Variants in EXD3 observed in about 807,000 individuals in gnomAD.
The protein encoded by EXD3 is exonuclease 3'-5' domain containing 3.
Under a neutral mutation model 98.0 loss-of-function variants are expected in EXD3, and 92 were observed. The ratio of observed to expected loss-of-function variants is 0.94; its 90% CI spans 0.79 to 1.12. The LOEUF (loss-of-function observed/expected upper bound fraction) is 1.12, where lower values mean the gene tolerates loss of function less well. EXD3 is among the 50% of genes most tolerant of loss of function. The pLI is 0.00. For synonymous variants in EXD3, 569 were observed against 526.0 expected (o/e 1.08, Z -1.12); for missense variants, 1,222 against 1,191.6 (o/e 1.03, Z -0.38).
chr9:137,315,263 C>T (rs1278031634), intron 19 of EXD3, among the ~76,000 whole-genome samples: 5 of 152,262 alleles, frequency 3.3e-5, no homozygotes, highest in South Asian at 4.1e-4. Flanking sequence ...ACCCCCCGAC[C>T]GGGCTTTCGG....
intron 19 of EXD3, among the ~76,000 whole-genome samples, chr9:137,313,371 C>T (rs1831466920): frequency 1.3e-5 from 2 of 152,286 alleles, no homozygotes; most frequent in South Asian, 2.1e-4. Context: ...ACTCCCACAG[C>T]CCCTGCTCTC....
chr9:137,365,731 CACCT>C, intron 7 of EXD3: 1 of 316,070 alleles, frequency 3.2e-6, no homozygotes, highest in East Asian at 8.2e-5. Context: ...TACAAACACA[CACCT>C]ACAGGCACAC....
intron 17 of EXD3, among the ~76,000 whole-genome samples, chr9:137,337,549 G>A (rs1474626152): frequency 6.6e-6 from 1 of 151,946 alleles, no homozygotes; most frequent in East Asian, 2.0e-4. Flanking sequence ...TACTTGGGAG[G>A]CTGAGGCAGG....
At position 137,357,593 on chromosome 9, in the gene EXD3, C is replaced by T. The variant is rs116294713; in HGVS notation, c.657-1225G>A. Among the ~76,000 whole-genome samples, 655 of 152,034 alleles carry T rather than the reference C, an allele frequency of 4.3e-3. 5 individuals carry two copies. Among genetic ancestry groups the T allele is most frequent in the African/African-American group, 0.012 (480 of 41,474 alleles). On this transcript the variant is annotated intron_variant, in intron 7 of 21. Coordinates refer to ENST00000340951, the MANE Select transcript of EXD3 (RefSeq NM_017820.5). ...GGGGCCCCCATCTCCACTTCACAGA[C>T]GCAGTATCTTAGTTACAGCATTTGT...
rs887749400 is a variant in EXD3, at chr9:137,403,868, T to C, written c.-47-8464A>G. ...TGAAGGGGAAGACAGACCTGTGGGATAGGGATGGGTCCCGAGGCGGGGCAG... is the reference window on the plus strand; with the variant it reads ...TGAAGGGGAAGACAGACCTGTGGGACAGGGATGGGTCCCGAGGCGGGGCAG... On this transcript the variant is annotated intron_variant, in intron 1 of 21. Transcript: ENST00000340951. The surrounding 1 kb of genome is among the most constrained non-coding windows in gnomAD (Gnocchi z 6.1). 2.0e-5 allele frequency among the ~76,000 whole-genome samples: 3 copies of C among 152,184 alleles called. No individual in the cohort carries two copies. Among genetic ancestry groups the C allele is most frequent in the Admixed American group, 6.5e-5 (1 of 15,290 alleles).
intron 20 of EXD3, among the ~76,000 whole-genome samples, chr9:137,308,982 C>T (rs1023911441): frequency 6.6e-6 from 1 of 152,180 alleles, no homozygotes; most frequent in Non-Finnish European, 1.5e-5. Context: ...ATTCCCTTAG[C>T]CCCCGTGCCA....
intron 20 of EXD3, among the ~76,000 whole-genome samples, chr9:137,309,044 C>T (rs983234434): frequency 1.4e-4 from 21 of 152,074 alleles, no homozygotes; most frequent in Admixed American, 2.6e-4. Flanking sequence ...CTCCCTGGGG[C>T]GCCTCCCTCC....
At chr9:137,318,872 A>G (rs1324729647) in intron 19 of EXD3, among the ~76,000 whole-genome samples, 2 of 152,218 alleles carry the variant, frequency 1.3e-5, no homozygotes, top group Non-Finnish European at 2.9e-5. Context: ...CCCCTGGCCC[A>G]GCTTTGGGCT....
At chr9:137,383,055 C>T (rs748367662) in intron 3 of EXD3, among the ~76,000 whole-genome samples, 30 of 152,292 alleles carry the variant, frequency 2.0e-4, no homozygotes, top group African/African-American at 4.1e-4. Context: ...GTGGCCCCTG[C>T]GCCTCCCAGA....
intron 1 of EXD3, among the ~76,000 whole-genome samples, chr9:137,421,949 G>C (rs1027339430): frequency 2.6e-5 from 4 of 151,968 alleles, no homozygotes; most frequent in Non-Finnish European, 5.9e-5. Flanking sequence ...CATACAAATT[G>C]GTTATAGTCC....
chr9:137,375,215 G>A (rs574435413), intron 3 of EXD3, among the ~76,000 whole-genome samples: 3 of 152,172 alleles, frequency 2.0e-5, no homozygotes, highest in African/African-American at 7.2e-5. Flanking sequence ...CACCGTGTTA[G>A]CCAGGATGGT....
chr9:137,399,732 A>G (rs1000055878), intron 1 of EXD3, among the ~76,000 whole-genome samples: 1 of 152,166 alleles, frequency 6.6e-6, no homozygotes, highest in Admixed American at 6.5e-5. Context: ...CGCTTCTTAC[A>G]TGGTGGTGGC....
intron 17 of EXD3, chr9:137,345,637 G>A (rs1474002200): frequency 2.1e-5 from 3 of 143,996 alleles, no homozygotes; most frequent in Non-Finnish European, 4.5e-5. Flanking sequence ...ACTCCAGCCT[G>A]GGCAACAGAG....
chr9:137,411,750 T>C (rs1401458018), intron 1 of EXD3, among the ~76,000 whole-genome samples: 3 of 33,394 alleles, frequency 9.0e-5, no homozygotes, highest in African/African-American at 1.2e-4. Flanking sequence ...GGTGGGGGAG[T>C]GGGAGGGAGT....
chr9:137,366,019 C>CACACATACATGCACACACAT, intron 7 of EXD3: 1 of 624,018 alleles, frequency 1.6e-6, no homozygotes, highest in Non-Finnish European at 3.0e-6. Flanking sequence ...CACATGGGCA[C>CACACATACATGCACACACAT]ACACATACAT....
At chr9:137,422,407 C>T (rs555540048) in intron 1 of EXD3, among the ~76,000 whole-genome samples, 5 of 152,244 alleles carry the variant, frequency 3.3e-5, no homozygotes, top group Admixed American at 1.3e-4. Flanking sequence ...ACCCCTCGAG[C>T]CAAGTAACTA....
chr9:137,374,034 G>A (rs1454076835), intron 3 of EXD3, among the ~76,000 whole-genome samples: 2 of 152,380 alleles, frequency 1.3e-5, no homozygotes, highest in Admixed American at 1.3e-4. Flanking sequence ...TGACCCGCAG[G>A]AGATTTGGGA....
rs1832320001 is a variant in EXD3 at position 137,325,117 on chromosome 9, AGAGAC to A, written c.1999-979_1999-975del. ...TCCACACAGTCCACTGCAAAGGCCT[AGAGAC>A]AAGACCCAATCCCATCGCCGGGAGT... On this transcript the variant is annotated intron_variant, in intron 17 of 21. Coordinates refer to ENST00000340951, the MANE Select transcript of EXD3 (RefSeq NM_017820.5). Among the ~76,000 whole-genome samples, 5 of 152,358 alleles carry A rather than the reference AGAGAC, an allele frequency of 3.3e-5. No individual in the cohort carries two copies. The South Asian group carries it at 1.0e-3, about 32-fold the overall frequency.
intron 7 of EXD3, chr9:137,366,233 C>T (rs1835246368): frequency 2.8e-6 from 2 of 703,580 alleles, no homozygotes; most frequent in East Asian, 2.7e-5. Context: ...AGAAGAGCCA[C>T]CACGGAGAAT....
Sources: gnomAD v4.1 joint callset for allele counts (sites outside exome capture counted in the v4.1 genomes callset) on GRCh38, gnomAD v4.1.1 for gene constraint, Gnocchi (gnomAD v3.1) non-coding constraint, MANE v1.5 for transcripts, NCBI Gene and HGNC (gene_info 2026-07-23, HGNC 2026-07-21) for gene names.